The following SH3TC1 variants were observed in gnomAD, a reference collection of about 807,000 sequenced individuals.
SH3TC1 encodes the protein SH3 domain and tetratricopeptide repeat-containing protein 1.
Under a neutral mutation model 117.3 loss-of-function variants are expected in SH3TC1, and 135 were observed. That is an observed-to-expected ratio of 1.15 (90% CI 1.00 to 1.33). SH3TC1 has a LOEUF of 1.33. Among genes scored for constraint, SH3TC1 ranks in the 40% most tolerant of loss-of-function variants. The probability of loss-of-function intolerance (pLI) is 0.00; values close to 1 mark genes in which losing one functional copy is unlikely to be tolerated. For missense variants in SH3TC1, 2,092 were observed against 1,794.3 expected (o/e 1.17, Z -3.00); for synonymous variants, 898 against 816.9 (o/e 1.10, Z -1.69).
chr4:8,238,751 G>A (rs569636226), intron 17 of SH3TC1, among the ~76,000 whole-genome samples: 8 of 152,310 alleles, frequency 5.3e-5, no homozygotes, highest in East Asian at 3.9e-4. Flanking sequence ...CCCAGGGGAC[G>A]GGCCTTCCAG....
rs1718576105 is a variant in SH3TC1 at position 8,210,601 on chromosome 4, A to C, written c.247+779A>C. Among the ~76,000 whole-genome samples, 1 of 152,088 alleles carries C rather than the reference A, an allele frequency of 6.6e-6. No individual in the cohort carries two copies. ...AGCCTGGCCCATATGGTGAAACCCC[A>C]TCTCTACTAAAAATACAAAAATTAG... On this transcript the variant is annotated intron_variant, in intron 3 of 17. Coordinates refer to ENST00000245105, the MANE Select transcript of SH3TC1 (RefSeq NM_018986.5). This position sits in a 1 kb window ranked among gnomAD's most constrained non-coding sequence, Gnocchi z 4.1.
At chr4:8,214,641 A>G (rs1719067875) in intron 5 of SH3TC1, 61 bp downstream of exon 5, 3 of 1,208,378 alleles carry the variant, frequency 2.5e-6, no homozygotes, top group Admixed American at 1.9e-5. Flanking sequence ...TGCTGGTTAC[A>G]CACCGTGCAC....
At chr4:8,214,391 G>A in intron 4 of SH3TC1, 84 bp from the exon 5 acceptor site, 1 of 1,297,706 alleles carries the variant, frequency 7.7e-7, no homozygotes, top group Non-Finnish European at 1.1e-6. Flanking sequence ...TCTGCAAGAT[G>A]TCTCTGTCAT....
rs1006124747 is a variant in SH3TC1, at chr4:8,231,789, C to T, written c.2951-187C>T. 11 of 635,832 alleles carry T rather than the reference C, an allele frequency of 1.7e-5. No homozygotes were observed. The Admixed American group carries it at 2.4e-4, about 14-fold the overall frequency. The allele number at this position is 635,832 out of a possible 1,614,324, so 39.4% of individuals were successfully genotyped here. A position where few individuals can be genotyped will look rare whatever the true frequency, so the allele number is the denominator to read the frequency against. ...TCAGCCCTGGGAGTTGTAAAGAAGG[C>T]CGGCCTCTACCATGGGCATCTGCAC... On this transcript the variant is annotated intron_variant, in intron 12 of 17. Transcript: ENST00000245105.
chr4:8,195,633 C>T (rs935731433), upstream of SH3TC1, among the ~76,000 whole-genome samples: 6 of 152,180 alleles, frequency 3.9e-5, no homozygotes, highest in African/African-American at 7.2e-5. Context: ...TCTCCAGACC[C>T]GTGTGTGGAT....
rs1214247431 is a variant in SH3TC1 at position 8,225,214 on chromosome 4, A to G, written c.1283A>G (p.Lys428Arg). 1.2e-6 allele frequency: 2 copies of G among 1,613,522 alleles called. No homozygotes were observed. The highest frequency in any genetic ancestry group is 1.7e-6 in the Non-Finnish European group (2 of 1,179,856). ...EEAETEQPQE[K>R]EIPPPCLSLE... ...GCTGAGACCGAGCAGCCGCAGGAAA[A>G]AGGTGGGTTTTGCCAGTGGCTCAGG... Residue 428 changes from lysine (K) to arginine (R), a missense_variant and splice_region_variant, in exon 11 of 18, where the codon AAA (lysine) becomes AGA (arginine). Lys to Arg is a conservative substitution (Grantham distance 26, BLOSUM62 2). Coordinates refer to ENST00000245105, the MANE Select transcript of SH3TC1 (RefSeq NM_018986.5). This position sits in a 1 kb window ranked among gnomAD's most constrained non-coding sequence, Gnocchi z 5.5.
intron 5 of SH3TC1, among the ~76,000 whole-genome samples, chr4:8,214,972 C>A (rs915914937): frequency 2.6e-5 from 4 of 152,190 alleles, no homozygotes; most frequent in Non-Finnish European, 4.4e-5. Flanking sequence ...AGGCATGAGC[C>A]ATGAATCTGT....
intron 16 of SH3TC1, chr4:8,237,101 C>G (rs912088031): frequency 4.4e-6 from 1 of 228,766 alleles, no homozygotes; most frequent in African/African-American, 2.3e-5. Flanking sequence ...GTAGGGGACT[C>G]TGATGATGAC....
rs1718125647 is a variant in SH3TC1, at chr4:8,205,448, C to A, written c.172+82C>A. 2 of 1,542,708 alleles carry A rather than the reference C, an allele frequency of 1.3e-6. No individual in the cohort carries two copies. The highest frequency in any genetic ancestry group is 1.8e-6 in the Non-Finnish European group (2 of 1,129,316). ...CCCGCCCCGTCCATCCATCCCTCAC[C>A]ACCCTGCCTGCCTCCAGGCCTCTTG... is the stretch of plus-strand genomic sequence containing the variant. On this transcript the variant is annotated intron_variant, in intron 2 of 17. Transcript: ENST00000245105. The surrounding 1 kb of genome is among the most constrained non-coding windows in gnomAD (Gnocchi z 5.4).
rs1473407467 is a variant in SH3TC1 at position 8,206,517 on chromosome 4, G to T, written c.172+1151G>T. On this transcript the variant is annotated intron_variant, in intron 2 of 17. Coordinates refer to ENST00000245105, the MANE Select transcript of SH3TC1 (RefSeq NM_018986.5). The surrounding 1 kb of genome is among the most constrained non-coding windows in gnomAD (Gnocchi z 5.5). ...GGAGCCTCTGGGAAGGGGAGTGGTA[G>T]GAGTTGGAAGCCTTTGCCCTGAGTG... Among the ~76,000 whole-genome samples the T allele has an allele frequency of 6.6e-6, 1 of 152,186 alleles. No homozygotes were observed. The highest frequency in any genetic ancestry group is 1.5e-5 in the Non-Finnish European group (1 of 68,030).
Position 8,227,452 on chromosome 4 carries a change from G to T in SH3TC1, c.1758G>T (p.Ala586=), listed in dbSNP as rs139660009. ...LSQARVYFEE[A]LGALEGSFGD... ...AGGCCCGGGTGTACTTTGAGGAAGC[G>T]CTGGGGGCCCTGGAGGGCAGCTTCG... Residue 586 remains alanine, a synonymous_variant, in exon 12 of 18, where the codon GCG becomes GCT. Coordinates refer to ENST00000245105, the MANE Select transcript of SH3TC1 (RefSeq NM_018986.5). The T allele has an allele frequency of 1.3e-6, 2 of 1,563,298 alleles. No individual in the cohort carries two copies. The highest frequency in any genetic ancestry group is 1.7e-4 in the Middle Eastern group (1 of 5,786).
rs545486045 is a variant in SH3TC1 at position 8,187,714 on chromosome 4, T to A, written c.-57+5504T>A. 3.3e-5 allele frequency among the ~76,000 whole-genome samples: 5 copies of A among 151,904 alleles called. No individual in the cohort carries two copies. The East Asian group carries it at 9.7e-4, about 29-fold the overall frequency. On this transcript the variant is annotated intron_variant, in intron 1 of 16. Transcript: ENST00000508641. ...TTACAGGCACGTGCCACCGCGCCCA[T>A]CTAATTTTTGTATTTTTAGTAGAGA...
intron 9 of SH3TC1, 83 bp from the exon 10 acceptor site, chr4:8,222,757 A>G: frequency 6.5e-7 from 1 of 1,536,684 alleles, no homozygotes; most frequent in Non-Finnish European, 8.9e-7. Context: ...CTGTCTGTCA[A>G]ATCAAGGAAT....
chr4:8,224,980 C>G, intron 10 of SH3TC1, 195 bp from the exon 11 acceptor site: 1 of 635,908 alleles, frequency 1.6e-6, no homozygotes, highest in Non-Finnish European at 2.7e-6. Flanking sequence ...GCACCTGACC[C>G]TGCAACACCT....
At chr4:8,195,274 C>T (rs542466550), upstream of SH3TC1, among the ~76,000 whole-genome samples, 6 of 152,350 alleles carry the variant, frequency 3.9e-5, no homozygotes, top group Admixed American at 2.0e-4. Flanking sequence ...CCAACTCTAC[C>T]ATTTGCAAGA....
intron 1 of SH3TC1, among the ~76,000 whole-genome samples, chr4:8,202,031 G>T (rs1311529566): frequency 6.6e-6 from 1 of 152,322 alleles, no homozygotes; most frequent in African/African-American, 2.4e-5. Flanking sequence ...CAGGGAGCTC[G>T]CATGCCCAGG....
intron 6 of SH3TC1, 110 bp from the exon 7 acceptor site, chr4:8,216,847 C>A: frequency 1.8e-6 from 2 of 1,113,810 alleles, no homozygotes; most frequent in South Asian, 1.3e-5. Flanking sequence ...ACTGGGGGGG[C>A]CGCTCCTGTG....
At chr4:8,199,631 A>G (rs1717696246) in intron 1 of SH3TC1, among the ~76,000 whole-genome samples, 1 of 152,196 alleles carries the variant, frequency 6.6e-6, no homozygotes, top group Admixed American at 6.5e-5. Flanking sequence ...GCAGTGATTG[A>G]GGGCAATGAT....
At chr4:8,231,945 G>A (rs993073321) in intron 12 of SH3TC1, 31 bp from the exon 13 acceptor site, 1 of 1,605,328 alleles carries the variant, frequency 6.2e-7, no homozygotes, top group Non-Finnish European at 8.5e-7. Flanking sequence ...ATGCTGGGAG[G>A]CTGACGTCTT....
Sources: gnomAD v4.1 joint callset for allele counts (sites outside exome capture counted in the v4.1 genomes callset) on GRCh38, gnomAD v4.1.1 for gene constraint, Gnocchi (gnomAD v3.1) non-coding constraint, MANE v1.5 for transcripts, NCBI Gene and HGNC (gene_info 2026-07-23, HGNC 2026-07-21) for gene names.